The following WDFY4 variants were observed in gnomAD, a reference collection of about 807,000 sequenced individuals.
WDFY4 encodes WD repeat- and FYVE domain-containing protein 4.
WDFY4 carries 169 observed loss-of-function variants against 351.9 expected under a neutral mutation model. The observed-to-expected ratio is 0.48, with a 90% CI of 0.42 to 0.55. The LOEUF (loss-of-function observed/expected upper bound fraction) is 0.55. Among genes scored for constraint, WDFY4 ranks in the 20% least tolerant of loss-of-function variants. The probability of loss-of-function intolerance (pLI) is 0.00; values close to 1 mark genes in which losing one functional copy is unlikely to be tolerated. For synonymous variants in WDFY4, 1,622 were observed against 1,574.6 expected, an observed-to-expected ratio of 1.03 and a Z score of -0.71; for missense variants, 3,803 against 3,935.6, an observed-to-expected ratio of 0.97 and a Z score of 0.90.
chr10:48,804,781 G>T (rs2067198301), intron 25 of WDFY4: 1 of 976,884 alleles, frequency 1.0e-6, no homozygotes, highest in African/African-American at 1.8e-5. Flanking sequence ...GAGGGAGGGG[G>T]TATGGATAGG....
At chr10:48,890,795 T>C in intron 44 of WDFY4, 68 bp downstream of exon 44, 2 of 1,538,378 alleles carry the variant, frequency 1.3e-6, no homozygotes, top group Non-Finnish European at 8.8e-7. Context: ...CCGCCCCCAC[T>C]ATTCCCCTTC....
At chr10:48,823,864 G>A in intron 35 of WDFY4, 3 of 986,142 alleles carry the variant, frequency 3.0e-6, no homozygotes, top group South Asian at 4.7e-5. Flanking sequence ...ACCCATCTGA[G>A]GAGCAGGAGA....
chr10:48,712,361 A>T (rs1467599406), intron 2 of WDFY4, among the ~76,000 whole-genome samples: 1 of 152,236 alleles, frequency 6.6e-6, no homozygotes, highest in Non-Finnish European at 1.5e-5. Context: ...TACTTACTGC[A>T]CATGGACTGA....
At chr10:48,733,770 A>G (rs1194796888) in intron 9 of WDFY4, among the ~76,000 whole-genome samples, 161 bp from the exon 10 acceptor site, 1 of 152,230 alleles carries the variant, frequency 6.6e-6, no homozygotes, top group East Asian at 1.9e-4. Flanking sequence ...CCCCTGCTGT[A>G]GGGGTAACAG....
At chr10:48,822,188 A>G (rs998491100) in intron 34 of WDFY4, among the ~76,000 whole-genome samples, 192 bp from the exon 35 acceptor site, 1 of 152,186 alleles carries the variant, frequency 6.6e-6, no homozygotes, top group African/African-American at 2.4e-5. Context: ...CGCTGACCAG[A>G]TTACTCAAGA....
At chr10:48,831,003 T>A in intron 38 of WDFY4, 118 bp downstream of exon 38, 1 of 950,430 alleles carries the variant, frequency 1.1e-6, no homozygotes, top group South Asian at 1.9e-5. Flanking sequence ...TCTCATCCCT[T>A]AAGTGGATGG....
In WDFY4 at chr10:48,905,702, C is replaced by T. The variant is rs375808775; in HGVS notation, c.7586+3839C>T. Among the ~76,000 whole-genome samples the T allele has an allele frequency of 1.5e-4, 23 of 152,278 alleles. No individual in the cohort carries two copies. In the East Asian group the frequency reaches 3.1e-3, roughly 20 times the overall value. On this transcript the variant is annotated intron_variant, in intron 47 of 61. Coordinates refer to ENST00000325239, the MANE Select transcript of WDFY4 (RefSeq NM_001394531.1). ...GAGCCTCAGCAAAATGCGGACACCC[C>T]GCAGAGTGCTGACCCTCGGCTCTGA...
In WDFY4 at chr10:48,778,977, C is replaced by T. The variant is rs1273265903; in HGVS notation, c.3397+145C>T. 7.0e-6 allele frequency: 6 copies of T among 851,714 alleles called. No individual in the cohort carries two copies. The African/African-American group carries it at 1.0e-4, about 15-fold the overall frequency. The allele number at this position is 851,714 out of a possible 1,614,324, so 52.8% of individuals were successfully genotyped here. A position where few individuals can be genotyped will look rare whatever the true frequency, so the allele number is the denominator to read the frequency against. On this transcript the variant is annotated intron_variant, in intron 18 of 61. Transcript: ENST00000325239. Reference sequence around the variant, plus strand: ...TGAAATTGCTCCCTTGGGTTCCATACCTGGTGAAAGGTCTACAATATTTGT... The same window carrying T: ...TGAAATTGCTCCCTTGGGTTCCATATCTGGTGAAAGGTCTACAATATTTGT...
rs190149874 is a variant in WDFY4 at position 48,837,051 on chromosome 10, G to T, written c.6663+4342G>T. Among the ~76,000 whole-genome samples the T allele has an allele frequency of 7.5e-3, 1,138 of 152,280 alleles. 8 individuals carry two copies. The highest frequency in any genetic ancestry group is 9.6e-3 in the Non-Finnish European group (656 of 68,016). On this transcript the variant is annotated intron_variant, in intron 39 of 61. Transcript: ENST00000325239. ...TTAATAACTTTATAGGAAAACAGGT[G>T]AAGGGTAGATGAAAACTCTCTACTA... is the stretch of plus-strand genomic sequence containing the variant.
intron 24 of WDFY4, chr10:48,802,794 G>A (rs1286073917): frequency 2.1e-6 from 1 of 472,376 alleles, no homozygotes; most frequent in African/African-American, 2.0e-5. Flanking sequence ...TGGGTATGTA[G>A]TCAGTACAGT....
At chr10:48,691,210 G>T (rs1449536883) in intron 1 of WDFY4, among the ~76,000 whole-genome samples, 1 of 152,120 alleles carries the variant, frequency 6.6e-6, no homozygotes, top group African/African-American at 2.4e-5. Context: ...AGCTAATCAA[G>T]GGTCCGGGCT....
At chr10:48,803,265 G>A (rs187733186) in intron 24 of WDFY4, 21 bp from the exon 25 acceptor site, 25 of 1,551,264 alleles carry the variant, frequency 1.6e-5, no homozygotes, top group African/African-American at 1.4e-4. Context: ...ATTTTAGCAT[G>A]TGTTTTGTTT....
At chr10:48,912,662 T>C (rs6537583) in intron 47 of WDFY4, among the ~76,000 whole-genome samples, 81,814 of 152,124 alleles carry the variant, frequency 0.54, 22,506 homozygotes, top group East Asian at 0.72. Flanking sequence ...AATGCACCAA[T>C]CCATACTTGC....
chr10:48,898,783 A>G (rs12249131), intron 45 of WDFY4, among the ~76,000 whole-genome samples: 1,678 of 152,244 alleles, frequency 0.011, 40 homozygotes, highest in African/African-American at 0.039. Flanking sequence ...TGCAGGGTGA[A>G]GGAGCAGGAA....
chr10:48,877,787 G>A (rs1380066933), intron 43 of WDFY4, among the ~76,000 whole-genome samples: 1 of 152,192 alleles, frequency 6.6e-6, no homozygotes, highest in African/African-American at 2.4e-5. Context: ...GGGAAACCCG[G>A]GGTCCTGGGT....
At chr10:48,941,393 C>T (rs1266224415) in intron 47 of WDFY4, among the ~76,000 whole-genome samples, 1 of 152,188 alleles carries the variant, frequency 6.6e-6, no homozygotes, top group Admixed American at 6.5e-5. Context: ...GACCCTTAGG[C>T]CATATCTCAT....
chr10:48,904,991 G>C (rs945323549), intron 47 of WDFY4, among the ~76,000 whole-genome samples: 2 of 152,142 alleles, frequency 1.3e-5, no homozygotes, highest in South Asian at 4.2e-4. Context: ...AGCACTCATG[G>C]GCTGCAGATG....
rs2064900866 is a variant in WDFY4, at chr10:48,743,005, C to T, written c.1916C>T (p.Ala639Val). ...ATCCTGGTGACCCCCAAGGGTCGTG[C>T]TGCCTTCAGAGTCTCCAGCGGGTTC... is the stretch of plus-strand genomic sequence containing the variant. The part of the protein sequence containing the change: ...LRILVTPKGR[A>V]AFRVSSGFNG... Residue 639 changes from alanine (A) to valine (V), a missense_variant, in exon 12 of 62, where the codon GCT becomes GTT. Ala to Val is a moderately conservative substitution (Grantham distance 64). This residue lies in a region of WDFY4 where 261 missense variants were observed against 330.2 expected (regional missense o/e 0.79). Transcript: ENST00000325239. 1 of 1,550,952 alleles carries T rather than the reference C, an allele frequency of 6.4e-7. No homozygotes were observed.
At chr10:48,769,701 T>C (rs11598212) in intron 13 of WDFY4, among the ~76,000 whole-genome samples, 68,129 of 151,998 alleles carry the variant, frequency 0.45, 15,446 homozygotes, top group Middle Eastern at 0.63. Context: ...TTAGGGGACC[T>C]ATTGCTCCAG....
Sources: gnomAD v4.1 joint callset for allele counts (sites outside exome capture counted in the v4.1 genomes callset) on GRCh38, gnomAD v4.1.1 for gene constraint, gnomAD v4.1.1 regional missense constraint, MANE v1.5 for transcripts, NCBI Gene and HGNC (gene_info 2026-07-23, HGNC 2026-07-21) for gene names.